MRPL1: variants seen among roughly 807,000 people sequenced by gnomAD.
The protein encoded by MRPL1 is mitochondrial ribosomal protein L1, also known as large ribosomal subunit protein uL1m.
MRPL1 carries 28 observed loss-of-function variants against 38.0 expected under a neutral mutation model. The ratio of observed to expected loss-of-function variants is 0.74; its 90% CI spans 0.55 to 1.01. MRPL1 has a LOEUF of 1.01. Ranked by LOEUF, MRPL1 falls within the 50% of genes least tolerant of loss-of-function variation. MRPL1 has a pLI of 0.00. For missense variants in MRPL1, 358 were observed against 389.8 expected, an observed-to-expected ratio of 0.92 and a Z score of 0.69; for synonymous variants, 123 against 126.7, an observed-to-expected ratio of 0.97 and a Z score of 0.20.
intron 1 of MRPL1, among the ~76,000 whole-genome samples, chr4:77,864,980 C>G (rs922497351): frequency 1.3e-4 from 19 of 151,168 alleles, no homozygotes; most frequent in African/African-American, 3.2e-4. Flanking sequence ...ACCTCTGCCT[C>G]CCGGGTTCAA....
intron 7 of MRPL1, among the ~76,000 whole-genome samples, chr4:77,936,454 A>G (rs1285028618): frequency 6.6e-6 from 1 of 152,230 alleles, no homozygotes; most frequent in Non-Finnish European, 1.5e-5. Context: ...GACTTACAAA[A>G]CAAAAATGGT....
intron 1 of MRPL1, among the ~76,000 whole-genome samples, chr4:77,863,775 G>A (rs535854920): frequency 6.6e-6 from 1 of 152,082 alleles, no homozygotes; most frequent in South Asian, 2.1e-4. Flanking sequence ...CCTGTGCAAC[G>A]CTTTTTGCTT....
At chr4:77,906,088 G>C (rs1736151845) in intron 6 of MRPL1, among the ~76,000 whole-genome samples, 1 of 152,190 alleles carries the variant, frequency 6.6e-6, no homozygotes, top group Admixed American at 6.5e-5. Context: ...GATAGGATAA[G>C]AGAAGTAACA....
At chr4:77,940,322 G>C (rs1303380362) in intron 7 of MRPL1, among the ~76,000 whole-genome samples, 1 of 152,098 alleles carries the variant, frequency 6.6e-6, no homozygotes, top group African/African-American at 2.4e-5. Context: ...AAAGAGGGTT[G>C]AGTTCTTGAC....
intron 7 of MRPL1, among the ~76,000 whole-genome samples, chr4:77,915,951 A>G (rs1736414476): frequency 6.6e-6 from 1 of 152,222 alleles, no homozygotes; most frequent in Non-Finnish European, 1.5e-5. Flanking sequence ...ATTGGTTGGG[A>G]TAAAAGCAAG....
At chr4:77,918,955 TAACC>T (rs1441812349) in intron 7 of MRPL1, among the ~76,000 whole-genome samples, 1 of 152,218 alleles carries the variant, frequency 6.6e-6, no homozygotes, top group Non-Finnish European at 1.5e-5. Flanking sequence ...CTACAAAATT[TAACC>T]AATGTGAAAC....
At chr4:77,925,172 C>T (rs1006970743) in intron 7 of MRPL1, among the ~76,000 whole-genome samples, 6 of 151,958 alleles carry the variant, frequency 3.9e-5, no homozygotes, top group African/African-American at 1.2e-4. Flanking sequence ...GTACTTCACC[C>T]GTAAACATTT....
At chr4:77,907,459 C>T (rs1271131056) in intron 6 of MRPL1, among the ~76,000 whole-genome samples, 1 of 151,776 alleles carries the variant, frequency 6.6e-6, no homozygotes, top group Non-Finnish European at 1.5e-5. Context: ...ATTATTTTCT[C>T]ATGGGTCTTT....
intron 6 of MRPL1, among the ~76,000 whole-genome samples, chr4:77,899,428 T>C (rs1251684318): frequency 2.6e-5 from 4 of 152,204 alleles, no homozygotes; most frequent in Non-Finnish European, 1.5e-5. Context: ...ATGTTAAGTT[T>C]TTCAAATAAT....
intron 1 of MRPL1, among the ~76,000 whole-genome samples, chr4:77,868,014 C>CCAAA (rs1241391752): frequency 6.6e-6 from 1 of 151,880 alleles, no homozygotes; most frequent in Non-Finnish European, 1.5e-5. Context: ...CCTCAGCCCC[C>CCAAA]CAAAGTGCTG....
intron 7 of MRPL1, among the ~76,000 whole-genome samples, chr4:77,939,743 T>G (rs929455948): frequency 3.9e-5 from 6 of 152,204 alleles, no homozygotes; most frequent in African/African-American, 1.4e-4. Context: ...AGGATCCAGT[T>G]TTATTCTTCT....
chr4:77,939,405 A>T (rs1205839853), intron 7 of MRPL1, among the ~76,000 whole-genome samples: 8 of 151,222 alleles, frequency 5.3e-5, no homozygotes, highest in Non-Finnish European at 1.5e-5. Flanking sequence ...TTTCTTCCCG[A>T]TTTCTTTGAG....
chr4:77,922,568 G>C (rs1015057367), intron 7 of MRPL1, among the ~76,000 whole-genome samples: 1 of 152,180 alleles, frequency 6.6e-6, no homozygotes, highest in African/African-American at 2.4e-5. Context: ...CAATAACCTT[G>C]GCTAGAGATG....
At chr4:77,908,843 A>G (rs1030876144) in intron 6 of MRPL1, among the ~76,000 whole-genome samples, 10 of 152,198 alleles carry the variant, frequency 6.6e-5, no homozygotes, top group African/African-American at 2.4e-4. Context: ...TTGCAGACTT[A>G]CACAGTTGGC....
intron 2 of MRPL1, among the ~76,000 whole-genome samples, chr4:77,876,706 A>G (rs28404443): frequency 0.77 from 117,225 of 152,010 alleles, 46,118 homozygotes; most frequent in African/African-American, 0.93. Context: ...TTTTTATCAG[A>G]ATCTGAATGG....
chr4:77,936,546 C>G (rs1189516562), intron 7 of MRPL1, among the ~76,000 whole-genome samples: 1 of 152,194 alleles, frequency 6.6e-6, no homozygotes, highest in African/African-American at 2.4e-5. Context: ...CAGCTCTCCA[C>G]CTGTTTTTGT....
chr4:77,897,046 A>ATG (rs1735931911), intron 6 of MRPL1, among the ~76,000 whole-genome samples: 2 of 152,052 alleles, frequency 1.3e-5, no homozygotes, highest in Non-Finnish European at 1.5e-5. Context: ...GCATTTAGAA[A>ATG]CTAAAAACAC....
chr4:77,934,077 A>G (rs983543484), intron 7 of MRPL1, among the ~76,000 whole-genome samples: 1 of 152,264 alleles, frequency 6.6e-6, no homozygotes, highest in Admixed American at 6.5e-5. Flanking sequence ...GAGCTGTTGT[A>G]TAGACACAGC....
chr4:77,947,327 A>C (rs1183732323), intron 7 of MRPL1, among the ~76,000 whole-genome samples: 1 of 152,232 alleles, frequency 6.6e-6, no homozygotes, highest in African/African-American at 2.4e-5. Context: ...TTTGTCTTGC[A>C]GTGGATAATC....
Sources: allele counts gnomAD v4.1 joint callset (sites outside exome capture counted in the v4.1 genomes callset), GRCh38; gene constraint gnomAD v4.1.1; transcripts MANE v1.5; gene names NCBI Gene and HGNC (gene_info 2026-07-23, HGNC 2026-07-21).